AKR1E2: variants seen among roughly 807,000 people sequenced by gnomAD.
AKR1E2 encodes the protein 1,5-anhydro-D-fructose reductase.
Under a neutral mutation model 41.9 loss-of-function variants are expected in AKR1E2, and 43 were observed. The ratio of observed to expected loss-of-function variants is 1.03; its 90% CI spans 0.80 to 1.32. The LOEUF is 1.32. AKR1E2 is among the 40% of genes most tolerant of loss of function. AKR1E2 has a pLI of 0.00. For missense variants in AKR1E2, 423 were observed against 396.5 expected, an observed-to-expected ratio of 1.07 and a Z score of -0.57; for synonymous variants, 121 against 138.9, an observed-to-expected ratio of 0.87 and a Z score of 0.91.
chr10:4,847,086 C>A, intron 8 of AKR1E2, 62 bp from the exon 9 acceptor site: 1 of 1,578,578 alleles, frequency 6.3e-7, no homozygotes, highest in Non-Finnish European at 8.7e-7. Context: ...ATGTAGGTAA[C>A]ATGTGCTCCA....
intron 5 of AKR1E2, among the ~76,000 whole-genome samples, chr10:4,837,958 G>C (rs1486655820): frequency 6.6e-6 from 1 of 152,206 alleles, no homozygotes; most frequent in African/African-American, 2.4e-5. Flanking sequence ...TGGATGACTA[G>C]ATGGCTTCAC....
chr10:4,827,582 A>G (rs1317537276), intron 1 of AKR1E2, among the ~76,000 whole-genome samples: 2 of 151,858 alleles, frequency 1.3e-5, no homozygotes, highest in African/African-American at 4.8e-5. Context: ...CACTGACTAA[A>G]AAGCGTTTAA....
chr10:4,851,240 T>G (rs990510605), downstream of AKR1E2, among the ~76,000 whole-genome samples: 5 of 152,248 alleles, frequency 3.3e-5, no homozygotes, highest in Admixed American at 3.3e-4. Context: ...TTCACAGGAC[T>G]GAATTCTTTT....
chr10:4,853,982 C>T, the AKR1E2 span, among the ~76,000 whole-genome samples: 2 of 152,034 alleles, frequency 1.3e-5, no homozygotes, highest in Non-Finnish European at 2.9e-5. Context: ...AAATAATGTA[C>T]TCCTTGTTTA....
intron 1 of AKR1E2, among the ~76,000 whole-genome samples, chr10:4,827,137 CTT>C (rs1564250666): frequency 1.3e-5 from 2 of 148,864 alleles, no homozygotes; most frequent in African/African-American, 4.9e-5. Flanking sequence ...TTAAAAGAAA[CTT>C]TGGGATCTCA....
At chr10:4,865,202 A>G in the AKR1E2 span, among the ~76,000 whole-genome samples, 1 of 152,196 alleles carries the variant, frequency 6.6e-6, no homozygotes, top group Admixed American at 6.5e-5. Context: ...CTTCTATCTC[A>G]TTTAAAAGAC....
At position 4,835,618 on chromosome 10, in the gene AKR1E2, G is replaced by GTT. The variant is rs1300411541; in HGVS notation, c.325-50_325-49dup. The GTT allele has an allele frequency of 9.0e-5, 102 of 1,133,266 alleles. No homozygotes were observed. In the South Asian group the frequency reaches 1.3e-3, roughly 15 times the overall value. The allele number at this position is 1,133,266 out of a possible 1,614,324, so 70.2% of individuals were successfully genotyped here. A position where few individuals can be genotyped will look rare whatever the true frequency, so the allele number is the denominator to read the frequency against. On this transcript the variant is annotated intron_variant, in intron 3 of 9. Transcript: ENST00000298375. ...TTGGATGCAGGTCTCCTGACACATG[G>GTT]TTTTTTTTGTTTTGTTTTGTTTTGT...
the AKR1E2 span, among the ~76,000 whole-genome samples, chr10:4,858,909 C>T: frequency 1.4e-5 from 2 of 145,672 alleles, no homozygotes; most frequent in African/African-American, 5.1e-5. Flanking sequence ...CTGCAACCTT[C>T]GCCTCCCTGG....
At chr10:4,844,591 T>G (rs1227905449) in intron 8 of AKR1E2, among the ~76,000 whole-genome samples, 2 of 152,150 alleles carry the variant, frequency 1.3e-5, no homozygotes, top group Non-Finnish European at 2.9e-5. Flanking sequence ...ATCCCTGAGC[T>G]AGACACAAAG....
intron 8 of AKR1E2, among the ~76,000 whole-genome samples, chr10:4,843,901 C>T (rs555368329): frequency 4.3e-4 from 65 of 152,202 alleles, no homozygotes; most frequent in Non-Finnish European, 8.4e-4. Context: ...CAACCTTAAG[C>T]CTGAAAGGTA....
At chr10:4,838,263 G>T (rs1833595138) in intron 5 of AKR1E2, among the ~76,000 whole-genome samples, 1 of 152,158 alleles carries the variant, frequency 6.6e-6, no homozygotes, top group South Asian at 2.1e-4. Context: ...CCCAGCAGCT[G>T]GGATTCACGT....
intron 3 of AKR1E2, among the ~76,000 whole-genome samples, chr10:4,834,150 T>C (rs1833203201): frequency 6.6e-6 from 1 of 152,230 alleles, no homozygotes; most frequent in Admixed American, 6.5e-5. Context: ...GATCACACAG[T>C]TGACACCTGT....
intron 2 of AKR1E2, among the ~76,000 whole-genome samples, chr10:4,832,724 TTTTACTTTCTTTTAC>T (rs59040414): frequency 0.094 from 14,236 of 152,152 alleles, 742 homozygotes; most frequent in Non-Finnish European, 0.12. Flanking sequence ...TTCCCCTTTC[TTTTACTTTCTTTTAC>T]TTTACTTTCT....
intron 3 of AKR1E2, among the ~76,000 whole-genome samples, chr10:4,835,250 C>G (rs1350256355): frequency 1.3e-5 from 2 of 152,176 alleles, no homozygotes; most frequent in African/African-American, 4.8e-5. Flanking sequence ...ACTTCCTTAC[C>G]TGTCATCATG....
intron 3 of AKR1E2, among the ~76,000 whole-genome samples, chr10:4,834,896 C>T (rs1281999308): frequency 6.6e-6 from 1 of 152,142 alleles, no homozygotes; most frequent in Admixed American, 6.6e-5. Context: ...GATCAGGGTC[C>T]GAGTATGAGT....
chr10:4,869,271 C>T, the AKR1E2 span, among the ~76,000 whole-genome samples: 760 of 152,198 alleles, frequency 5.0e-3, 8 homozygotes, highest in African/African-American at 0.018. Flanking sequence ...GGGTATTTTT[C>T]AGGGGAATTG....
At chr10:4,850,259 G>C (rs1434021066), downstream of AKR1E2, among the ~76,000 whole-genome samples, 1 of 152,208 alleles carries the variant, frequency 6.6e-6, no homozygotes, top group African/African-American at 2.4e-5. Flanking sequence ...TCAAATGATT[G>C]TGGGCATCTC....
In AKR1E2 at chr10:4,837,309, A is replaced by T; in HGVS notation, c.460-150A>T. The T allele has an allele frequency of 1.7e-6, 2 of 1,157,002 alleles. 1 individual carries two copies. Among genetic ancestry groups the T allele is most frequent in the South Asian group, 3.5e-5 (2 of 56,876 alleles). The allele number at this position is 1,157,002 out of a possible 1,614,324, so 71.7% of individuals were successfully genotyped here. A position where few individuals can be genotyped will look rare whatever the true frequency, so the allele number is the denominator to read the frequency against. Reference sequence around the variant, plus strand: ...AAGATGGGACTGAAATCAGACCTTGAGTGCAGAAATGCTTTTGAAGCTTCA... The same window carrying T: ...AAGATGGGACTGAAATCAGACCTTGTGTGCAGAAATGCTTTTGAAGCTTCA... On this transcript the variant is annotated intron_variant, in intron 4 of 9. Coordinates refer to ENST00000298375, the MANE Select transcript of AKR1E2 (RefSeq NM_001040177.3).
rs140409715 is a variant in AKR1E2 at position 4,836,410 on chromosome 10, C to T, written c.459+601C>T. On this transcript the variant is annotated intron_variant, in intron 4 of 9. Coordinates refer to ENST00000298375, the MANE Select transcript of AKR1E2 (RefSeq NM_001040177.3). ...TGAGAGGTTCCTGGAAGTTGACCCA[C>T]AGGCTGGGGTGGGTCTCAGGCTTGG... Among the ~76,000 whole-genome samples, 865 of 152,274 alleles carry T rather than the reference C, an allele frequency of 5.7e-3. 5 individuals carry two copies. The highest frequency in any genetic ancestry group is 0.015 in the South Asian group (70 of 4,818).
Sources: gnomAD v4.1 joint callset for allele counts (sites outside exome capture counted in the v4.1 genomes callset) on GRCh38, gnomAD v4.1.1 for gene constraint, MANE v1.5 for transcripts, NCBI Gene and HGNC (gene_info 2026-07-23, HGNC 2026-07-21) for gene names.